Variants in CRACR2A observed in about 807,000 individuals in gnomAD.
The protein encoded by CRACR2A is EF-hand calcium-binding domain-containing protein 4B.
Under a neutral mutation model 90.5 loss-of-function variants are expected in CRACR2A, and 79 were observed. That is an observed-to-expected ratio of 0.87 (90% CI 0.73 to 1.05). The LOEUF (loss-of-function observed/expected upper bound fraction) is 1.05. Ranked by LOEUF, CRACR2A falls within the 50% of genes least tolerant of loss-of-function variation. The probability of loss-of-function intolerance (pLI) is 0.00; values close to 1 mark genes in which losing one functional copy is unlikely to be tolerated. For missense variants in CRACR2A, 823 were observed against 897.2 expected (o/e 0.92, Z 1.06); for synonymous variants, 338 against 356.7 (o/e 0.95, Z 0.59).
intron 4 of CRACR2A, among the ~76,000 whole-genome samples, chr12:3,689,148 C>G (rs547676060): frequency 2.0e-5 from 3 of 152,118 alleles, no homozygotes; most frequent in African/African-American, 4.8e-5. Flanking sequence ...ACAGGGATAG[C>G]TTGACTTCCT....
At chr12:3,745,975 C>T (rs1946619535) in intron 1 of CRACR2A, among the ~76,000 whole-genome samples, 2 of 152,016 alleles carry the variant, frequency 1.3e-5, no homozygotes, top group African/African-American at 4.8e-5. Flanking sequence ...TCCCTGACCC[C>T]ATTCATGTCT....
chr12:3,643,856 T>TATATATAAATA (rs1478137267), intron 12 of CRACR2A, among the ~76,000 whole-genome samples: 14,706 of 66,764 alleles, frequency 0.22, 1,765 homozygotes, highest in East Asian at 0.51. Flanking sequence ...TATTATATAT[T>TATATATAAATA]TATATTATAT....
At chr12:3,656,658 G>A (rs1350790520) in intron 8 of CRACR2A, among the ~76,000 whole-genome samples, 10 of 152,166 alleles carry the variant, frequency 6.6e-5, no homozygotes, top group African/African-American at 2.4e-4. Context: ...TTCAATGACT[G>A]TGCACCACCA....
intron 10 of CRACR2A, 120 bp downstream of exon 10, chr12:3,654,092 A>G (rs1013187924): frequency 3.4e-6 from 4 of 1,186,582 alleles, no homozygotes; most frequent in Non-Finnish European, 3.6e-6. Flanking sequence ...TCAGGGAGCA[A>G]CAAGCCCAAA....
chr12:3,641,096 A>G (rs1944559895), intron 13 of CRACR2A, among the ~76,000 whole-genome samples: 2 of 152,188 alleles, frequency 1.3e-5, no homozygotes, highest in Admixed American at 6.5e-5. Flanking sequence ...CTGTAATCCT[A>G]GCACTTTGGG....
rs568988111 is a variant in CRACR2A, at chr12:3,692,633, C to A, written c.228+4139G>T. ...GCAGTGGGATCTGTCCTTCTTTGTACGTGCCAACAGCAGCAGTGGCAGCAG... is the reference window on the plus strand; with the variant it reads ...GCAGTGGGATCTGTCCTTCTTTGTAAGTGCCAACAGCAGCAGTGGCAGCAG... On this transcript the variant is annotated intron_variant, in intron 4 of 19. Coordinates refer to ENST00000440314, the MANE Select transcript of CRACR2A (RefSeq NM_001144958.2). Among the ~76,000 whole-genome samples, 20 of 152,276 alleles carry A rather than the reference C, an allele frequency of 1.3e-4. No individual in the cohort carries two copies. The South Asian group carries it at 3.7e-3, about 28-fold the overall frequency.
intron 11 of CRACR2A, among the ~76,000 whole-genome samples, chr12:3,646,827 T>C (rs944837854): frequency 6.6e-6 from 1 of 152,170 alleles, no homozygotes; most frequent in Non-Finnish European, 1.5e-5. Flanking sequence ...GATGTAGCCA[T>C]CCCCATACAG....
At chr12:3,732,194 C>T (rs1946370112) in intron 2 of CRACR2A, 1 of 152,140 alleles carries the variant, frequency 6.6e-6, no homozygotes, top group Non-Finnish European at 1.5e-5. Context: ...TGTATTGTGT[C>T]GGAATGCATC....
chr12:3,656,080 G>A (rs1045199755), intron 9 of CRACR2A, among the ~76,000 whole-genome samples: 1 of 152,190 alleles, frequency 6.6e-6, no homozygotes, highest in South Asian at 2.1e-4. Context: ...CAGATACCTC[G>A]TGGGGGAATG....
intron 9 of CRACR2A, among the ~76,000 whole-genome samples, chr12:3,654,968 G>A (rs1017441746): frequency 2.0e-5 from 3 of 152,104 alleles, no homozygotes; most frequent in Non-Finnish European, 4.4e-5. Context: ...ACAGAACATA[G>A]ACCTTTTCTA....
chr12:3,704,011 T>C (rs1945875811), intron 3 of CRACR2A, among the ~76,000 whole-genome samples: 1 of 152,216 alleles, frequency 6.6e-6, no homozygotes, highest in Admixed American at 6.5e-5. Context: ...TGGAAAACAT[T>C]TGACAGTTTC....
intron 2 of CRACR2A, among the ~76,000 whole-genome samples, chr12:3,720,343 A>G (rs1946142927): frequency 7.0e-6 from 1 of 142,972 alleles, no homozygotes; most frequent in Non-Finnish European, 1.5e-5. Flanking sequence ...AAAGAAAGAA[A>G]GAAAGAAAAA....
chr12:3,630,140 G>T (rs1944354024), intron 15 of CRACR2A, among the ~76,000 whole-genome samples: 3 of 152,090 alleles, frequency 2.0e-5, no homozygotes, highest in Non-Finnish European at 4.4e-5. Flanking sequence ...CGGGATGAAG[G>T]GGCTAAGTTG....
In CRACR2A at chr12:3,654,307, C is replaced by T. The variant is rs1324002548; in HGVS notation, c.951G>A (p.Arg317=). The T allele has an allele frequency of 6.2e-7, 1 of 1,614,046 alleles. No homozygotes were observed. Among genetic ancestry groups the T allele is most frequent in the Admixed American group, 1.7e-5 (1 of 59,978 alleles). Residue 317 remains arginine, a synonymous_variant, in exon 10 of 20, where the codon CGG becomes CGA. Transcript: ENST00000440314. ...GCTCCCAGGAAGTCCGCTCCAGCTC[C>T]CGGGCCAGCTCCTGGTTAGTGAGTT... is the stretch of plus-strand genomic sequence containing the variant. ...KLKLTNQELA[R]ELERTSWELQ...
At chr12:3,712,452 G>T (rs1180937656) in intron 3 of CRACR2A, among the ~76,000 whole-genome samples, 1 of 152,298 alleles carries the variant, frequency 6.6e-6, no homozygotes, top group East Asian at 1.9e-4. Flanking sequence ...GAGCTTGCAT[G>T]TCAGATGGCA....
intron 14 of CRACR2A, among the ~76,000 whole-genome samples, chr12:3,634,898 G>T (rs1944432227): frequency 6.6e-6 from 1 of 152,052 alleles, no homozygotes; most frequent in South Asian, 2.1e-4. Context: ...CAAAAACTAT[G>T]CCTCCTGCCC....
At chr12:3,745,582 T>A (rs1301442790) in intron 1 of CRACR2A, among the ~76,000 whole-genome samples, 1 of 151,934 alleles carries the variant, frequency 6.6e-6, no homozygotes, top group Non-Finnish European at 1.5e-5. Flanking sequence ...GAGACCATCC[T>A]GGCCAAGATG....
chr12:3,629,121 GT>G (rs1398157199), intron 15 of CRACR2A, among the ~76,000 whole-genome samples: 1 of 152,166 alleles, frequency 6.6e-6, no homozygotes, highest in Non-Finnish European at 1.5e-5. Flanking sequence ...ATCCATGTGA[GT>G]TATCTGCACA....
chr12:3,708,597 T>C (rs1032810980), intron 3 of CRACR2A, among the ~76,000 whole-genome samples: 5 of 152,154 alleles, frequency 3.3e-5, no homozygotes, highest in Non-Finnish European at 7.3e-5. Flanking sequence ...GCTAATTTTT[T>C]GTATTTTTTA....
Sources: gnomAD v4.1 joint callset for allele counts (sites outside exome capture counted in the v4.1 genomes callset) on GRCh38, gnomAD v4.1.1 for gene constraint, MANE v1.5 for transcripts, NCBI Gene and HGNC (gene_info 2026-07-23, HGNC 2026-07-21) for gene names.